UHRF2: variants seen among roughly 807,000 people sequenced by gnomAD.
The protein encoded by UHRF2 is ubiquitin like with PHD and ring finger domains 2, also known as E3 ubiquitin-protein ligase UHRF2.
UHRF2 carries 23 observed loss-of-function variants against 96.8 expected under a neutral mutation model. The ratio of observed to expected loss-of-function variants is 0.24; its 90% CI spans 0.17 to 0.34. The LOEUF is 0.34. UHRF2 is among the 10% of genes least tolerant of loss of function. The pLI, the probability that UHRF2 is intolerant of heterozygous loss-of-function variation, is 1.00. For synonymous variants in UHRF2, 385 were observed against 332.6 expected, an observed-to-expected ratio of 1.16 and a Z score of -1.72; for missense variants, 685 against 981.5, an observed-to-expected ratio of 0.70 and a Z score of 4.04.
intron 4 of UHRF2, among the ~76,000 whole-genome samples, chr9:6,467,061 A>C (rs1159965637): frequency 6.6e-6 from 1 of 152,236 alleles, no homozygotes; most frequent in Non-Finnish European, 1.5e-5. Context: ...TAGTAGCTTA[A>C]ACAATAAAGC....
chr9:6,475,175 CTG>C (rs1320781366), intron 4 of UHRF2, among the ~76,000 whole-genome samples: 1 of 152,068 alleles, frequency 6.6e-6, no homozygotes, highest in Non-Finnish European at 1.5e-5. Context: ...CTAATGAAGT[CTG>C]TATTTTTTTT....
chr9:6,415,744 T>A (rs1448766229), intron 1 of UHRF2, among the ~76,000 whole-genome samples: 1 of 152,216 alleles, frequency 6.6e-6, no homozygotes, highest in Non-Finnish European at 1.5e-5. Context: ...TGTATCAGAA[T>A]CGCTTGTGGA....
At chr9:6,463,297 A>G (rs1201271100) in intron 4 of UHRF2, among the ~76,000 whole-genome samples, 2 of 150,688 alleles carry the variant, frequency 1.3e-5, no homozygotes, top group African/African-American at 2.4e-5. Flanking sequence ...AAAAAAAAAG[A>G]CTTGAGTGGA....
chr9:6,483,763 C>T (rs1824074342), intron 8 of UHRF2, among the ~76,000 whole-genome samples: 1 of 152,232 alleles, frequency 6.6e-6, no homozygotes, highest in Admixed American at 6.5e-5. Context: ...GATCTTGGCT[C>T]ACCACAACCT....
chr9:6,432,108 G>A (rs944424189), intron 2 of UHRF2, among the ~76,000 whole-genome samples: 3 of 152,220 alleles, frequency 2.0e-5, no homozygotes, highest in Admixed American at 2.0e-4. Flanking sequence ...TTTAATACAT[G>A]AATTAATTTA....
intron 11 of UHRF2, among the ~76,000 whole-genome samples, chr9:6,497,561 G>A (rs769985304): frequency 6.6e-6 from 1 of 151,566 alleles, no homozygotes; most frequent in African/African-American, 2.4e-5. Context: ...GTTCCTAGGG[G>A]CAGAGTTGGG....
rs181488481 is a variant in UHRF2 at position 6,437,076 on chromosome 9, A to G, written c.644+2903A>G. Among the ~76,000 whole-genome samples, 82 of 152,352 alleles carry G rather than the reference A, an allele frequency of 5.4e-4. No individual in the cohort carries two copies. The East Asian group carries it at 0.012, about 23-fold the overall frequency. On this transcript the variant is annotated intron_variant, in intron 3 of 15. Coordinates refer to ENST00000276893, the MANE Select transcript of UHRF2 (RefSeq NM_152896.3). ...ATATGGTTGTGATACAAAGCATGTT[A>G]AAGTTTCATTCTTTGTGATCATTAG...
intron 2 of UHRF2, among the ~76,000 whole-genome samples, chr9:6,422,448 A>G (rs911887456): frequency 6.6e-6 from 1 of 151,982 alleles, no homozygotes; most frequent in African/African-American, 2.4e-5. Flanking sequence ...TTGGCTTTTA[A>G]TATTTGCATA....
At chr9:6,451,088 G>A (rs7027361) in intron 3 of UHRF2, among the ~76,000 whole-genome samples, 63,051 of 152,036 alleles carry the variant, frequency 0.41, 13,251 homozygotes, top group Middle Eastern at 0.47. Context: ...ACAGTTCCTA[G>A]TGATATCACT....
At chr9:6,455,894 G>A (rs1013944073) in intron 3 of UHRF2, among the ~76,000 whole-genome samples, 6 of 152,158 alleles carry the variant, frequency 3.9e-5, no homozygotes, top group Admixed American at 1.3e-4. Context: ...TGAGGTAAGA[G>A]GATTGCTTGA....
intron 3 of UHRF2, among the ~76,000 whole-genome samples, chr9:6,438,910 A>G (rs922191667): frequency 1.3e-5 from 2 of 152,228 alleles, no homozygotes; most frequent in African/African-American, 2.4e-5. Context: ...AATGATAGCC[A>G]TTATAGATTT....
chr9:6,413,521 T>C lies in UHRF2; in HGVS notation c.31T>C (p.Ser11Pro), dbSNP rs556158643. Residue 11 changes from serine to proline, a missense_variant, in exon 1 of 16, where the codon TCC becomes CCC. Ser to Pro is a moderately conservative substitution (Grantham distance 74). This residue lies in a region of UHRF2 where 38 missense variants were observed against 35.9 expected (regional missense o/e 1.06). Coordinates refer to ENST00000276893, the MANE Select transcript of UHRF2 (RefSeq NM_152896.3). ...GATACAGGTTCGCACCATTGATGGC[T>C]CCAAGACGTGCACCATTGAGGACGT... MWIQVRTIDG[S>P]KTCTIEDVSR... The C allele has an allele frequency of 7.5e-6, 12 of 1,590,170 alleles. No homozygotes were observed. The South Asian group carries it at 1.4e-4, about 18-fold the overall frequency.
chr9:6,459,275 G>A (rs775239198), intron 3 of UHRF2, among the ~76,000 whole-genome samples: 1 of 152,148 alleles, frequency 6.6e-6, no homozygotes, highest in Non-Finnish European at 1.5e-5. Context: ...GGAGACTATC[G>A]GAATATGCCA....
At chr9:6,459,006 A>T (rs1745888375) in intron 3 of UHRF2, among the ~76,000 whole-genome samples, 1 of 152,140 alleles carries the variant, frequency 6.6e-6, no homozygotes, top group South Asian at 2.1e-4. Flanking sequence ...TCATAAGTGG[A>T]AGTTGAACAA....
intron 12 of UHRF2, 31 bp downstream of exon 12, chr9:6,498,189 T>G: frequency 1.2e-6 from 2 of 1,604,170 alleles, no homozygotes; most frequent in Non-Finnish European, 1.7e-6. Context: ...GCTGCCTGTG[T>G]GTTCATAAAA....
At chr9:6,474,786 A>G (rs1823464824) in intron 4 of UHRF2, among the ~76,000 whole-genome samples, 1 of 152,234 alleles carries the variant, frequency 6.6e-6, no homozygotes, top group African/African-American at 2.4e-5. Flanking sequence ...GAAGAAGTAT[A>G]TACAAACAAA....
At position 6,506,383 on chromosome 9, in the gene UHRF2, T is replaced by C; in HGVS notation, c.*204T>C. The C allele has an allele frequency of 1.9e-6, 1 of 539,348 alleles. No individual in the cohort carries two copies. The highest frequency in any genetic ancestry group is 3.0e-6 in the Non-Finnish European group (1 of 332,736). The allele number at this position is 539,348 out of a possible 1,614,324, so 33.4% of individuals were successfully genotyped here. Reference sequence around the variant, plus strand: ...TTTAAATATCTAAAGGTAGTTCCTGTAACAACTAGTTTTAATGAGTAAAAA... The same window carrying C: ...TTTAAATATCTAAAGGTAGTTCCTGCAACAACTAGTTTTAATGAGTAAAAA... On this transcript the variant is annotated 3_prime_UTR_variant, in exon 16 of 16. Transcript: ENST00000276893.
Position 6,493,727 on chromosome 9 carries a change from A to G in UHRF2, c.1498-99A>G, listed in dbSNP as rs562010033. On this transcript the variant is annotated intron_variant, in intron 9 of 15. Coordinates refer to ENST00000276893, the MANE Select transcript of UHRF2 (RefSeq NM_152896.3). ...GGAGATGCCTCAAGAGAAAATGTCA[A>G]CTCATAACATCCTAATGAAATGTTT... 31 of 1,034,366 alleles carry G rather than the reference A, an allele frequency of 3.0e-5. 1 individual carries two copies. The highest frequency in any genetic ancestry group is 1.6e-4 in the South Asian group (9 of 55,868). The allele number at this position is 1,034,366 out of a possible 1,614,324, so 64.1% of individuals were successfully genotyped here.
intron 14 of UHRF2, among the ~76,000 whole-genome samples, chr9:6,503,912 C>T (rs915639306): frequency 6.0e-5 from 9 of 150,182 alleles, no homozygotes; most frequent in Non-Finnish European, 1.2e-4. Context: ...CTACCCAATA[C>T]TCTGATTTAA....
Sources: allele counts gnomAD v4.1 joint callset (sites outside exome capture counted in the v4.1 genomes callset), GRCh38; gene constraint gnomAD v4.1.1; regional missense constraint gnomAD v4.1.1; transcripts MANE v1.5; gene names NCBI Gene and HGNC (gene_info 2026-07-23, HGNC 2026-07-21).